The following BANK1 variants were observed in gnomAD, a reference collection of about 807,000 sequenced individuals.
The protein encoded by BANK1 is B-cell scaffold protein with ankyrin repeats.
BANK1 carries 95 observed loss-of-function variants against 94.5 expected under a neutral mutation model. The observed-to-expected ratio is 1.00, with a 90% confidence interval of 0.85 to 1.19. The LOEUF (loss-of-function observed/expected upper bound fraction) is 1.19. Ranked by LOEUF, BANK1 falls within the 50% of genes most tolerant of loss-of-function variation. The pLI, the probability that BANK1 is intolerant of heterozygous loss-of-function variation, is 0.00. For missense variants in BANK1, 987 were observed against 932.2 expected, an observed-to-expected ratio of 1.06 and a Z score of -0.77; for synonymous variants, 334 against 308.4, an observed-to-expected ratio of 1.08 and a Z score of -0.87.
intron 11 of BANK1, among the ~76,000 whole-genome samples, chr4:102,047,347 A>T (rs1348741019): frequency 6.6e-6 from 1 of 152,074 alleles, no homozygotes; most frequent in Non-Finnish European, 1.5e-5. Context: ...ACTTTAATAC[A>T]CTGCTTGTAA....
chr4:102,064,049 A>T (rs941654180), intron 13 of BANK1, among the ~76,000 whole-genome samples: 1 of 152,160 alleles, frequency 6.6e-6, no homozygotes, highest in African/African-American at 2.4e-5. Context: ...AAAATTAAAA[A>T]TAAATTACGT....
chr4:102,031,898 C>T (rs922200039), intron 10 of BANK1, among the ~76,000 whole-genome samples: 13 of 152,116 alleles, frequency 8.5e-5, no homozygotes, highest in African/African-American at 2.9e-4. Flanking sequence ...ATAAAATACA[C>T]TTATTTAATG....
At chr4:101,986,866 T>TATATATGTATATATATAG in intron 7 of BANK1, among the ~76,000 whole-genome samples, 1 of 62,756 alleles carries the variant, frequency 1.6e-5, no homozygotes, top group Non-Finnish European at 2.9e-5. Flanking sequence ...TATATATATA[T>TATATATGTATATATATAG]GTGTGTATGT....
chr4:102,003,575 G>A (rs572367985), intron 7 of BANK1, among the ~76,000 whole-genome samples: 3 of 152,174 alleles, frequency 2.0e-5, no homozygotes, highest in African/African-American at 4.8e-5. Context: ...GGGAGACCAG[G>A]CAAAATTGTA....
chr4:101,908,169 C>G (rs1392616267), intron 6 of BANK1, among the ~76,000 whole-genome samples: 2 of 152,186 alleles, frequency 1.3e-5, no homozygotes, highest in Non-Finnish European at 1.5e-5. Flanking sequence ...TACAAGGCTA[C>G]AGTAACCAAA....
chr4:101,846,156 C>G (rs1303804576), intron 2 of BANK1, among the ~76,000 whole-genome samples: 1 of 152,096 alleles, frequency 6.6e-6, no homozygotes, highest in African/African-American at 2.4e-5. Context: ...TTCACAATAG[C>G]AAAGACTGGG....
intron 6 of BANK1, among the ~76,000 whole-genome samples, chr4:101,915,536 CAATT>C (rs2148899216): frequency 6.6e-6 from 1 of 151,978 alleles, no homozygotes; most frequent in Non-Finnish European, 1.5e-5. Flanking sequence ...TTTCTTGAGA[CAATT>C]AACAAGAGAA....
rs1367094445 is a variant in BANK1 at position 102,072,339 on chromosome 4, T to C, written c.2243-6T>C. 6.4e-6 allele frequency: 10 copies of C among 1,574,578 alleles called. No individual in the cohort carries two copies. Among genetic ancestry groups the C allele is most frequent in the Non-Finnish European group, 8.7e-6 (10 of 1,145,508 alleles). On this transcript the variant is annotated splice_region_variant and splice_polypyrimidine_tract_variant and intron_variant, in intron 14 of 16. Coordinates refer to ENST00000322953, the MANE Select transcript of BANK1 (RefSeq NM_017935.5). ...AAAGAGGTAATAACTGAGTTTGTATTTCTAGGTAAGGAAACTGCCCACAAT... is the reference window on the plus strand; with the variant it reads ...AAAGAGGTAATAACTGAGTTTGTATCTCTAGGTAAGGAAACTGCCCACAAT...
At chr4:101,952,738 T>A (rs1031973328) in intron 7 of BANK1, among the ~76,000 whole-genome samples, 8 of 152,116 alleles carry the variant, frequency 5.3e-5, no homozygotes, top group Admixed American at 2.0e-4. Flanking sequence ...CTGGGCATAT[T>A]AGCAAAAGAG....
intron 10 of BANK1, among the ~76,000 whole-genome samples, chr4:102,033,989 T>A (rs1045975568): frequency 1.3e-5 from 2 of 152,036 alleles, no homozygotes; most frequent in Non-Finnish European, 2.9e-5. Flanking sequence ...ATTCTTGGTG[T>A]TCTTTGCATT....
chr4:101,825,787 A>G (rs1726340438), intron 1 of BANK1, among the ~76,000 whole-genome samples: 1 of 152,096 alleles, frequency 6.6e-6, no homozygotes, highest in African/African-American at 2.4e-5. Context: ...TGTCAAATTC[A>G]GGTTTTTGAG....
intron 7 of BANK1, among the ~76,000 whole-genome samples, chr4:101,965,937 C>T (rs1343083540): frequency 6.6e-6 from 1 of 151,972 alleles, no homozygotes; most frequent in Admixed American, 6.6e-5. Context: ...TCCTCTTGTC[C>T]CCATGGGCAA....
intron 7 of BANK1, among the ~76,000 whole-genome samples, chr4:101,959,961 C>T (rs1350164818): frequency 1.3e-5 from 2 of 152,168 alleles, no homozygotes. Flanking sequence ...CATCCTCAAG[C>T]GTCAGGATTC....
intron 7 of BANK1, among the ~76,000 whole-genome samples, chr4:101,992,520 G>T (rs1239407187): frequency 6.6e-6 from 1 of 152,126 alleles, no homozygotes; most frequent in African/African-American, 2.4e-5. Flanking sequence ...ACATAAGCGT[G>T]ATGTGTGCAG....
intron 5 of BANK1, among the ~76,000 whole-genome samples, chr4:101,884,810 A>G (rs1728790406): frequency 6.6e-6 from 1 of 152,200 alleles, no homozygotes; most frequent in Non-Finnish European, 1.5e-5. Flanking sequence ...TGCCTAAACT[A>G]CTATAATAGT....
intron 5 of BANK1, among the ~76,000 whole-genome samples, chr4:101,874,913 G>A (rs1172919844): frequency 1.3e-5 from 2 of 152,126 alleles, no homozygotes; most frequent in Admixed American, 6.6e-5. Context: ...GCTTTTTACA[G>A]TGCTAATTGA....
intron 1 of BANK1, among the ~76,000 whole-genome samples, chr4:101,802,470 G>A (rs1290145756): frequency 6.6e-6 from 1 of 152,182 alleles, no homozygotes; most frequent in East Asian, 1.9e-4. Context: ...TAATTAGGAA[G>A]CATTTATAAT....
At chr4:101,859,233 G>A (rs1254113406) in intron 3 of BANK1, among the ~76,000 whole-genome samples, 2 of 152,208 alleles carry the variant, frequency 1.3e-5, no homozygotes, top group Non-Finnish European at 2.9e-5. Flanking sequence ...GTGAAGTGAT[G>A]CCTTCTCAGA....
chr4:102,068,134 G>GA (rs1728650196), intron 13 of BANK1, among the ~76,000 whole-genome samples: 1 of 151,920 alleles, frequency 6.6e-6, no homozygotes, highest in Non-Finnish European at 1.5e-5. Context: ...GAATAATAAT[G>GA]AAAAAATATC....
Sources: allele counts gnomAD v4.1 joint callset (sites outside exome capture counted in the v4.1 genomes callset), GRCh38; gene constraint gnomAD v4.1.1; transcripts MANE v1.5; gene names NCBI Gene and HGNC (gene_info 2026-07-23, HGNC 2026-07-21).